TNIP1: variants seen among roughly 807,000 people sequenced by gnomAD.
The protein encoded by TNIP1 is TNFAIP3 interacting protein 1.
In TNIP1, 22 loss-of-function variants were observed where a neutral mutation model predicts 86.6. The observed-to-expected ratio is 0.25, with a 90% CI of 0.18 to 0.36. The LOEUF (loss-of-function observed/expected upper bound fraction) is 0.36, where lower values mean the gene tolerates loss of function less well. Among genes scored for constraint, TNIP1 ranks in the 10% least tolerant of loss-of-function variants. The probability of loss-of-function intolerance (pLI) is 1.00; values close to 1 mark genes in which losing one functional copy is unlikely to be tolerated. For missense variants in TNIP1, 709 were observed against 820.6 expected (o/e 0.86, Z 1.66); for synonymous variants, 294 against 313.0 (o/e 0.94, Z 0.64).
At chr5:151,047,056 G>A (rs1029670893) in intron 8 of TNIP1, among the ~76,000 whole-genome samples, 2 of 152,016 alleles carry the variant, frequency 1.3e-5, no homozygotes, top group African/African-American at 4.8e-5. Flanking sequence ...TAGTCTCTAA[G>A]TTTCTCCTCA....
At chr5:151,049,470 GACTTTTGGGA>G (rs959036168) in intron 8 of TNIP1, among the ~76,000 whole-genome samples, 4 of 152,182 alleles carry the variant, frequency 2.6e-5, no homozygotes, top group Admixed American at 2.6e-4. Context: ...ATGTTAAACT[GACTTTTGGGA>G]ACCACTCTCT....
At chr5:151,036,983 G>T in intron 12 of TNIP1, 62 bp from the exon 13 acceptor site, 1 of 1,519,386 alleles carries the variant, frequency 6.6e-7, no homozygotes, top group South Asian at 1.3e-5. Flanking sequence ...CCCTTTGGAG[G>T]GGTCATCCTC....
chr5:151,036,347 A>G (rs1757700579), intron 13 of TNIP1, among the ~76,000 whole-genome samples: 1 of 152,222 alleles, frequency 6.6e-6, no homozygotes, highest in Non-Finnish European at 1.5e-5. Context: ...CTTTAAATAA[A>G]GGAGAAAAGA....
intron 2 of TNIP1, among the ~76,000 whole-genome samples, chr5:151,064,589 C>T (rs191573696): frequency 3.5e-4 from 10 of 28,210 alleles, no homozygotes; most frequent in South Asian, 1.6e-3. Context: ...CACCTAGGAA[C>T]GCGTGCCCCA....
Position 151,070,316 on chromosome 5 carries a change from C to CA in TNIP1, c.-36-5186dup, listed in dbSNP as rs1479296175. ...TAATAAGAGTATACAGTAACTAGCT[C>CA]AGCATTTGACACACAGCAGGTGCTT... is the stretch of plus-strand genomic sequence containing the variant. On this transcript the variant is annotated intron_variant, in intron 1 of 17. Coordinates refer to ENST00000521591, the MANE Select transcript of TNIP1 (RefSeq NM_006058.5). Among the ~76,000 whole-genome samples the CA allele has an allele frequency of 2.0e-5, 3 of 152,184 alleles. No individual in the cohort carries two copies. The East Asian group carries it at 5.8e-4, about 29-fold the overall frequency.
chr5:151,035,959 G>A (rs906113279), intron 13 of TNIP1, among the ~76,000 whole-genome samples: 11 of 152,188 alleles, frequency 7.2e-5, no homozygotes, highest in Admixed American at 5.2e-4. Flanking sequence ...TTAAAAAAAC[G>A]TTGAAAGCCA....
chr5:151,067,682 C>CT (rs572268295), intron 1 of TNIP1, among the ~76,000 whole-genome samples: 1 of 151,822 alleles, frequency 6.6e-6, no homozygotes, highest in Non-Finnish European at 1.5e-5. Context: ...CAAGTCCATC[C>CT]TGTGTGCCAG....
Position 151,033,127 on chromosome 5 carries a change from C to CAAAA in TNIP1, c.1779+477_1779+480dup, listed in dbSNP as rs11375507. Among the ~76,000 whole-genome samples, 92 of 78,746 alleles carry CAAAA rather than the reference C, an allele frequency of 1.2e-3. 1 individual carries two copies. Among genetic ancestry groups the CAAAA allele is most frequent in the African/African-American group, 4.6e-3 (85 of 18,648 alleles). 51.7% of individuals were successfully genotyped at this position (78,746 alleles called of 152,430 possible). A position where few individuals can be genotyped will look rare whatever the true frequency, so the allele number is the denominator to read the frequency against. ...GGCAAAAAAGAGTGAAATTCCATCT[C>CAAAA]AAAAAAAAAAAAAAAAAAGGAAAAG... On this transcript the variant is annotated intron_variant, in intron 16 of 17. Transcript: ENST00000521591.
At chr5:151,057,723 A>G (rs1760856747) in intron 5 of TNIP1, among the ~76,000 whole-genome samples, 2 of 152,178 alleles carry the variant, frequency 1.3e-5, no homozygotes, top group South Asian at 4.1e-4. Context: ...TCCCAAAACA[A>G]ACAAACAAAA....
chr5:151,057,057 T>C, intron 5 of TNIP1, 100 bp from the exon 6 acceptor site: 1 of 1,195,604 alleles, frequency 8.4e-7, no homozygotes, highest in South Asian at 2.2e-5. Flanking sequence ...TGACTCAGTT[T>C]CCCCCTGTGA....
intron 8 of TNIP1, among the ~76,000 whole-genome samples, chr5:151,049,108 T>C (rs539199603): frequency 5.9e-5 from 9 of 152,178 alleles, no homozygotes; most frequent in African/African-American, 1.2e-4. Flanking sequence ...TACTATTGCA[T>C]AGGTGTAGGG....
chr5:151,075,418 T>G (rs1485557517), intron 1 of TNIP1, among the ~76,000 whole-genome samples: 1 of 152,186 alleles, frequency 6.6e-6, no homozygotes, highest in Non-Finnish European at 1.5e-5. Context: ...GTATACTGCG[T>G]GATTTGGGTA....
rs764600259 is a variant in TNIP1, at chr5:151,035,581, C to T, written c.1521+1G>A. On this transcript the variant is annotated splice_donor_variant, in intron 14 of 17. Coordinates refer to ENST00000521591, the MANE Select transcript of TNIP1 (RefSeq NM_006058.5). LOFTEE classifies it high-confidence loss of function. Reference sequence around the variant, plus strand: ...CCCTTCCTGGGTCCAGTCACTCTTACCTGGGCATTTGACAGGGTGACCTGG... The same window carrying T: ...CCCTTCCTGGGTCCAGTCACTCTTATCTGGGCATTTGACAGGGTGACCTGG... The T allele has an allele frequency of 3.7e-6, 6 of 1,614,198 alleles. No individual in the cohort carries two copies. The highest frequency in any genetic ancestry group is 1.7e-5 in the Admixed American group (1 of 60,028).
chr5:151,033,469 TG>T, intron 16 of TNIP1, 138 bp downstream of exon 16: 1 of 562,386 alleles, frequency 1.8e-6, no homozygotes, highest in Non-Finnish European at 3.0e-6. Flanking sequence ...AGCCAGGCCC[TG>T]GACACCCACC....
At chr5:151,053,062 A>G (rs1437387764) in intron 6 of TNIP1, among the ~76,000 whole-genome samples, 1 of 146,928 alleles carries the variant, frequency 6.8e-6, no homozygotes, top group Non-Finnish European at 1.5e-5. Context: ...TGGCTGTGAC[A>G]CTTGGTTCCT....
intron 1 of TNIP1, among the ~76,000 whole-genome samples, chr5:151,070,992 G>A (rs908930449): frequency 2.0e-4 from 30 of 151,912 alleles, no homozygotes; most frequent in African/African-American, 7.0e-4. Context: ...CACTCTGGTG[G>A]AGGATGTTGA....
intron 1 of TNIP1, among the ~76,000 whole-genome samples, chr5:151,066,327 A>G (rs1057073221): frequency 3.3e-5 from 5 of 152,258 alleles, no homozygotes; most frequent in Non-Finnish European, 7.3e-5. Flanking sequence ...ACACCGAGCC[A>G]GCCTCCAGCC....
chr5:151,084,183 G>A (rs1347552239), upstream of TNIP1, among the ~76,000 whole-genome samples: 3 of 152,342 alleles, frequency 2.0e-5, no homozygotes, highest in Middle Eastern at 3.4e-3. Context: ...CGTGGCTCAC[G>A]CCTGTAATCC....
intron 1 of TNIP1, among the ~76,000 whole-genome samples, chr5:151,068,767 C>T (rs1003379065): frequency 3.3e-5 from 5 of 152,138 alleles, no homozygotes; most frequent in Admixed American, 3.3e-4. Context: ...ATTTCCCTTC[C>T]TGCCCAGCAA....
Sources: allele counts gnomAD v4.1 joint callset (sites outside exome capture counted in the v4.1 genomes callset), GRCh38; gene constraint gnomAD v4.1.1; transcripts MANE v1.5; gene names NCBI Gene and HGNC (gene_info 2026-07-23, HGNC 2026-07-21).